SPTLC2: variants seen among roughly 807,000 people sequenced by gnomAD.
SPTLC2 encodes the protein serine palmitoyltransferase 2.
SPTLC2 carries 21 observed loss-of-function variants against 62.0 expected under a neutral mutation model. The observed-to-expected ratio is 0.34, with a 90% CI of 0.24 to 0.49. The LOEUF is 0.49. Ranked by LOEUF, SPTLC2 falls within the 20% of genes least tolerant of loss-of-function variation. The pLI is 0.99. For synonymous variants in SPTLC2, 261 were observed against 261.8 expected (o/e 1.00, Z 0.03); for missense variants, 511 against 713.0 (o/e 0.72, Z 3.23).
chr14:77,534,663 T>C (rs917169715), intron 9 of SPTLC2, among the ~76,000 whole-genome samples: 4 of 144,964 alleles, frequency 2.8e-5, no homozygotes, highest in African/African-American at 5.1e-5. Context: ...TAAAAAAAAA[T>C]TGATTTCACC....
chr14:77,523,489 G>T (rs1032997087), intron 9 of SPTLC2, among the ~76,000 whole-genome samples: 1 of 152,134 alleles, frequency 6.6e-6, no homozygotes, highest in Non-Finnish European at 1.5e-5. Context: ...GGTGGGGTGC[G>T]ATGAGAGAGC....
chr14:77,521,042 C>T (rs926201145), intron 10 of SPTLC2, among the ~76,000 whole-genome samples: 1 of 152,214 alleles, frequency 6.6e-6, no homozygotes, highest in Non-Finnish European at 1.5e-5. Context: ...GTTATCGGCC[C>T]GCCCACAGGG....
At chr14:77,532,550 C>T (rs753277795) in intron 9 of SPTLC2, among the ~76,000 whole-genome samples, 45 of 152,046 alleles carry the variant, frequency 3.0e-4, no homozygotes, top group Non-Finnish European at 5.0e-4. Flanking sequence ...TTTGGGAGGC[C>T]GAGGCAGGTG....
At chr14:77,518,233 C>T in intron 10 of SPTLC2, 66 bp from the exon 11 acceptor site, 2 of 1,603,146 alleles carry the variant, frequency 1.2e-6, no homozygotes, top group South Asian at 2.2e-5. Context: ...AGAGGACCTG[C>T]TGTCCTCAAA....
rs763345893 is a variant in SPTLC2 at position 77,597,199 on chromosome 14, C to G, written c.314G>C (p.Arg105Thr). ...RIEKCHHATE[R>T]EEQKDFVSLY... ...TCTAACAGTTACCTTTTGTTCTTCT[C>G]TTTCTGTTGCATGGTGACACTTTTC... The change falls in exon 2 of 12, where the codon AGA becomes ACA. Residue 105 changes from arginine (R) to threonine (T), a missense_variant. By Grantham distance (71) the Arg-to-Thr change is moderately conservative. Coordinates refer to ENST00000216484, the MANE Select transcript of SPTLC2 (RefSeq NM_004863.4). The G allele has an allele frequency of 1.2e-6, 2 of 1,614,004 alleles. No homozygotes were observed. Among genetic ancestry groups the G allele is most frequent in the East Asian group, 4.5e-5 (2 of 44,900 alleles).
intron 9 of SPTLC2, chr14:77,536,086 A>G (rs77233022): frequency 2.6e-6 from 1 of 381,088 alleles, no homozygotes. Context: ...ACACAACTCA[A>G]TTTTGGTGGA....
chr14:77,551,389 T>TC (rs2079554816), intron 9 of SPTLC2, among the ~76,000 whole-genome samples: 1 of 32,178 alleles, frequency 3.1e-5, no homozygotes, highest in African/African-American at 1.1e-4. Context: ...AGACTCCGTC[T>TC]CAAAAAAAAA....
chr14:77,608,997 T>C (rs1020850343), intron 1 of SPTLC2, among the ~76,000 whole-genome samples: 2 of 151,222 alleles, frequency 1.3e-5, no homozygotes, highest in African/African-American at 2.4e-5. Flanking sequence ...GGCAATGTGT[T>C]TGGGGAACAT....
At chr14:77,532,531 A>T (rs1053416077) in intron 9 of SPTLC2, among the ~76,000 whole-genome samples, 3 of 151,960 alleles carry the variant, frequency 2.0e-5, no homozygotes, top group Non-Finnish European at 4.4e-5. Context: ...ACACCTGTAA[A>T]CCCAGCACTT....
intron 1 of SPTLC2, among the ~76,000 whole-genome samples, chr14:77,604,146 C>CTAT (rs1445505269): frequency 6.6e-6 from 1 of 152,216 alleles, no homozygotes; most frequent in Non-Finnish European, 1.5e-5. Context: ...TTTGTTGTGA[C>CTAT]TATATTTCCT....
At chr14:77,546,836 TCTC>T (rs746545750) in intron 9 of SPTLC2, among the ~76,000 whole-genome samples, 5 of 152,114 alleles carry the variant, frequency 3.3e-5, no homozygotes, top group Non-Finnish European at 7.4e-5. Context: ...TTCAAGCAAT[TCTC>T]CTGCCTCAGC....
intron 2 of SPTLC2, among the ~76,000 whole-genome samples, chr14:77,594,655 T>G (rs2079836270): frequency 6.6e-6 from 1 of 152,178 alleles, no homozygotes; most frequent in Non-Finnish European, 1.5e-5. Context: ...TTACTTTGAT[T>G]TTCAAAACAC....
intron 3 of SPTLC2, 38 bp from the exon 4 acceptor site, chr14:77,576,953 C>G (rs1471238059): frequency 6.2e-7 from 1 of 1,606,226 alleles, no homozygotes; most frequent in South Asian, 1.1e-5. Flanking sequence ...AACTCATGAG[C>G]AAAAAAGTAC....
chr14:77,530,742 T>C (rs1343174230), intron 9 of SPTLC2, among the ~76,000 whole-genome samples: 2 of 152,202 alleles, frequency 1.3e-5, no homozygotes, highest in Non-Finnish European at 2.9e-5. Flanking sequence ...TATCTTAAAA[T>C]AGAGAAACCA....
At chr14:77,612,394 A>T (rs189624870) in intron 1 of SPTLC2, among the ~76,000 whole-genome samples, 11 of 152,346 alleles carry the variant, frequency 7.2e-5, no homozygotes, top group African/African-American at 2.4e-4. Flanking sequence ...AATTCCTGTT[A>T]AAGAAAATTC....
intron 5 of SPTLC2, among the ~76,000 whole-genome samples, chr14:77,565,649 T>A (rs1201735106): frequency 1.3e-5 from 2 of 152,232 alleles, no homozygotes; most frequent in South Asian, 4.1e-4. Context: ...ATTAAGGTCA[T>A]GAAAGACAAA....
At chr14:77,574,895 A>G (rs779988940) in intron 4 of SPTLC2, among the ~76,000 whole-genome samples, 6 of 152,174 alleles carry the variant, frequency 3.9e-5, no homozygotes, top group Non-Finnish European at 5.9e-5. Context: ...TTCTTTTAGG[A>G]GGAATGAAAA....
intron 9 of SPTLC2, among the ~76,000 whole-genome samples, chr14:77,523,153 C>T (rs1357744584): frequency 6.6e-6 from 1 of 152,186 alleles, no homozygotes; most frequent in Non-Finnish European, 1.5e-5. Flanking sequence ...CCCTAACTTC[C>T]CCCTAGAAGT....
At chr14:77,545,055 C>T (rs1337772084) in intron 9 of SPTLC2, among the ~76,000 whole-genome samples, 1 of 151,994 alleles carries the variant, frequency 6.6e-6, no homozygotes, top group Admixed American at 6.6e-5. Flanking sequence ...ATTACCATGG[C>T]CCCCTTGAAG....
Sources: gnomAD v4.1 joint callset for allele counts (sites outside exome capture counted in the v4.1 genomes callset) on GRCh38, gnomAD v4.1.1 for gene constraint, MANE v1.5 for transcripts, NCBI Gene and HGNC (gene_info 2026-07-23, HGNC 2026-07-21) for gene names.